NR6A1: variants seen among roughly 807,000 people sequenced by gnomAD.
NR6A1 encodes nuclear receptor subfamily 6 group A member 1.
Under a neutral mutation model 59.1 loss-of-function variants are expected in NR6A1, and 7 were observed. The ratio of observed to expected loss-of-function variants is 0.12; its 90% CI spans 0.07 to 0.22. The LOEUF (loss-of-function observed/expected upper bound fraction) is 0.22. Ranked by LOEUF, NR6A1 falls within the 10% of genes least tolerant of loss-of-function variation. NR6A1 has a pLI of 1.00. For synonymous variants in NR6A1, 243 were observed against 236.1 expected (o/e 1.03, Z -0.27); for missense variants, 468 against 611.6 (o/e 0.77, Z 2.48).
chr9:124,646,277 G>A (rs1808718464), intron 2 of NR6A1, among the ~76,000 whole-genome samples: 1 of 151,880 alleles, frequency 6.6e-6, no homozygotes, highest in African/African-American at 2.4e-5. Flanking sequence ...ATTAAGAACA[G>A]GGAAGCAATA....
At chr9:124,677,443 G>C (rs1837998898) in intron 2 of NR6A1, among the ~76,000 whole-genome samples, 1 of 151,792 alleles carries the variant, frequency 6.6e-6, no homozygotes, top group Non-Finnish European at 1.5e-5. Context: ...TTTTTTTGTA[G>C]AGACGGGGTT....
chr9:124,575,024 A>C (rs1460494632), intron 2 of NR6A1, among the ~76,000 whole-genome samples: 2 of 152,302 alleles, frequency 1.3e-5, no homozygotes, highest in South Asian at 2.1e-4. Flanking sequence ...CTTTGCACGA[A>C]ACACAGACTT....
chr9:124,537,628 C>A (rs1344006727), intron 6 of NR6A1, among the ~76,000 whole-genome samples: 4 of 152,154 alleles, frequency 2.6e-5, no homozygotes, highest in Non-Finnish European at 5.9e-5. Context: ...TGAAAGAATA[C>A]TCCTTCTACC....
At chr9:124,606,396 T>G (rs1210173940) in intron 2 of NR6A1, among the ~76,000 whole-genome samples, 1 of 152,084 alleles carries the variant, frequency 6.6e-6, no homozygotes, top group Non-Finnish European at 1.5e-5. Context: ...ATTTCTGTAT[T>G]CCTGGAATCT....
chr9:124,640,596 C>T (rs1312061248), intron 2 of NR6A1, among the ~76,000 whole-genome samples: 5 of 151,968 alleles, frequency 3.3e-5, no homozygotes, highest in Admixed American at 6.6e-5. Flanking sequence ...CATGGGGTCT[C>T]GCTGTGTTGC....
intron 2 of NR6A1, among the ~76,000 whole-genome samples, chr9:124,663,219 A>G (rs973127295): frequency 1.3e-5 from 2 of 152,188 alleles, no homozygotes; most frequent in African/African-American, 4.8e-5. Context: ...ACTACCCACA[A>G]GCTTCTGTGG....
chr9:124,721,428 G>T (rs113045957), intron 2 of NR6A1, among the ~76,000 whole-genome samples: 3 of 152,294 alleles, frequency 2.0e-5, no homozygotes, highest in African/African-American at 7.2e-5. Context: ...GCTTGATCTA[G>T]CAGCAATGCC....
At chr9:124,642,832 G>T (rs1836805964) in intron 2 of NR6A1, among the ~76,000 whole-genome samples, 1 of 152,172 alleles carries the variant, frequency 6.6e-6, no homozygotes, top group African/African-American at 2.4e-5. Flanking sequence ...GGTAGCAGGG[G>T]AGACCACAGC....
At chr9:124,679,142 G>A (rs1838047508) in intron 2 of NR6A1, among the ~76,000 whole-genome samples, 1 of 152,126 alleles carries the variant, frequency 6.6e-6, no homozygotes, top group African/African-American at 2.4e-5. Context: ...TACTAGCTAG[G>A]TATTTATAGT....
intron 2 of NR6A1, among the ~76,000 whole-genome samples, chr9:124,665,754 A>C (rs1360769067): frequency 1.3e-5 from 2 of 152,222 alleles, no homozygotes; most frequent in Admixed American, 6.5e-5. Context: ...CTTAACAACC[A>C]AGAATATTTG....
chr9:124,595,657 T>C (rs1835251373), intron 2 of NR6A1: 3 of 550,100 alleles, frequency 5.5e-6, no homozygotes, highest in African/African-American at 1.9e-5. Flanking sequence ...CAGTTGCCTG[T>C]GGACTGCCTC....
chr9:124,653,282 T>C (rs1837155918), intron 2 of NR6A1, among the ~76,000 whole-genome samples: 1 of 152,180 alleles, frequency 6.6e-6, no homozygotes, highest in Admixed American at 6.5e-5. Context: ...AACTTTTTTT[T>C]TTTTTTAGTA....
At chr9:124,747,961 C>T (rs7038940) in intron 1 of NR6A1, among the ~76,000 whole-genome samples, 19,474 of 152,146 alleles carry the variant, frequency 0.13, 3,374 homozygotes, top group African/African-American at 0.39. Context: ...TTAATAGCAC[C>T]AAATTACAGA....
At chr9:124,550,455 T>TCTC (rs1431489840) in intron 3 of NR6A1, among the ~76,000 whole-genome samples, 1 of 148,686 alleles carries the variant, frequency 6.7e-6, no homozygotes, top group Non-Finnish European at 1.5e-5. Flanking sequence ...GCAACCTCCG[T>TCTC]CTCCCAGGTT....
intron 2 of NR6A1, among the ~76,000 whole-genome samples, chr9:124,679,467 CCT>C (rs536668612): frequency 2.0e-4 from 30 of 152,290 alleles, no homozygotes; most frequent in South Asian, 8.3e-4. Context: ...GCACCTGCCC[CCT>C]GATTATCTTG....
intron 2 of NR6A1, among the ~76,000 whole-genome samples, chr9:124,568,486 AAAAAAAAAC>A (rs1335546399): frequency 2.0e-5 from 3 of 151,922 alleles, no homozygotes; most frequent in Admixed American, 1.3e-4. Context: ...CTGTCTCAAA[AAAAAAAAAC>A]AAAAGAAACA....
At chr9:124,655,795 G>C (rs771735260) in intron 2 of NR6A1, among the ~76,000 whole-genome samples, 2 of 152,214 alleles carry the variant, frequency 1.3e-5, no homozygotes, top group Non-Finnish European at 2.9e-5. Context: ...GAGCTTCTGA[G>C]ATGGGTCAGA....
At chr9:124,729,808 C>CT (rs1839830793) in intron 2 of NR6A1, among the ~76,000 whole-genome samples, 1 of 150,672 alleles carries the variant, frequency 6.6e-6, no homozygotes, top group Non-Finnish European at 1.5e-5. Context: ...TTTATTTTGT[C>CT]TAATTTTTTT....
At chr9:124,718,704 C>T (rs577101165) in intron 2 of NR6A1, among the ~76,000 whole-genome samples, 2 of 151,926 alleles carry the variant, frequency 1.3e-5, no homozygotes, top group African/African-American at 4.8e-5. Flanking sequence ...GGATCACCTT[C>T]CAGACTAAAA....
Sources: allele counts gnomAD v4.1 joint callset (sites outside exome capture counted in the v4.1 genomes callset), GRCh38; gene constraint gnomAD v4.1.1; transcripts MANE v1.5; gene names NCBI Gene and HGNC (gene_info 2026-07-23, HGNC 2026-07-21).